ZNF831: variants seen among roughly 807,000 people sequenced by gnomAD.
The protein encoded by ZNF831 is zinc finger protein 831, also known as chromosome 20 open reading frame 174.
A neutral mutation model predicts 95.8 loss-of-function variants in ZNF831; 59 were observed. The ratio of observed to expected loss-of-function variants is 0.62; its 90% CI spans 0.50 to 0.77. The LOEUF (loss-of-function observed/expected upper bound fraction) is 0.77. ZNF831 is among the 30% of genes least tolerant of loss of function. ZNF831 has a pLI of 0.00. For missense variants in ZNF831, 2,205 were observed against 2,164.0 expected (o/e 1.02, Z -0.38); for synonymous variants, 961 against 925.5 (o/e 1.04, Z -0.70).
chr20:59,254,121 G>A lies in ZNF831; in HGVS notation c.4412G>A (p.Arg1471Lys), dbSNP rs1988052271. 6.2e-7 allele frequency: 1 copy of A among 1,613,980 alleles called. No individual in the cohort carries two copies. Among genetic ancestry groups the A allele is most frequent in the Admixed American group, 1.7e-5 (1 of 60,008 alleles). The change falls in exon 6 of 6, where the codon AGG (arginine) becomes AAG (lysine). Residue 1471 changes from arginine to lysine, a missense_variant. Transcript: ENST00000371030. The surrounding 1 kb of genome is among the most constrained non-coding windows in gnomAD (Gnocchi z 4.5). ...PKPYIFSDAQ[R>K]PSSFGSKGTF... ...CCATACATCTTCTCAGATGCTCAAAGGCCTTCTTCCTTTGGGTCCAAAGGA... is the reference window on the plus strand; with the variant it reads ...CCATACATCTTCTCAGATGCTCAAAAGCCTTCTTCCTTTGGGTCCAAAGGA...
intron 1 of ZNF831, among the ~76,000 whole-genome samples, chr20:59,132,642 T>C (rs1382609154): frequency 6.6e-6 from 1 of 152,224 alleles, no homozygotes; most frequent in South Asian, 2.1e-4. Flanking sequence ...TCTGGAAATG[T>C]CTTTGCCTAT....
chr20:59,230,120 A>G (rs1237739072), intron 4 of ZNF831, among the ~76,000 whole-genome samples: 1 of 152,222 alleles, frequency 6.6e-6, no homozygotes, highest in African/African-American at 2.4e-5. Flanking sequence ...TGAAAAAAGG[A>G]ATTCATTAAA....
At chr20:59,153,291 C>T (rs901600863) in intron 2 of ZNF831, among the ~76,000 whole-genome samples, 6 of 152,310 alleles carry the variant, frequency 3.9e-5, no homozygotes, top group African/African-American at 1.2e-4. Flanking sequence ...GAACTGGACC[C>T]GGAGAGAACA....
In ZNF831 at chr20:59,192,864, C is replaced by T. The variant is rs1156890401; in HGVS notation, c.1845C>T (p.Phe615=). Residue 615 remains phenylalanine, a synonymous_variant, in exon 2 of 6, where the codon TTC becomes TTT. Coordinates refer to ENST00000371030, the MANE Select transcript of ZNF831 (RefSeq NM_178457.3). The surrounding 1 kb of genome is among the most constrained non-coding windows in gnomAD (Gnocchi z 5.2). ...RKCGQRRLKM[F]SQEKWQVYGD... ...GCGGCCAGAGAAGGCTGAAGATGTT[C>T]TCCCAGGAGAAGTGGCAGGTGTACG... The T allele has an allele frequency of 6.2e-7, 1 of 1,601,372 alleles. No homozygotes were observed. Among genetic ancestry groups the T allele is most frequent in the East Asian group, 2.2e-5 (1 of 44,788 alleles).
intron 2 of ZNF831, among the ~76,000 whole-genome samples, chr20:59,156,600 C>T (rs560953362): frequency 6.6e-6 from 1 of 152,266 alleles, no homozygotes; most frequent in Admixed American, 6.5e-5. Flanking sequence ...CTGCTGTGTA[C>T]TAGGCCTCCA....
intron 4 of ZNF831, among the ~76,000 whole-genome samples, chr20:59,223,354 T>C (rs1986222561): frequency 6.6e-6 from 1 of 152,326 alleles, no homozygotes; most frequent in East Asian, 1.9e-4. Flanking sequence ...GTGTGTGCGA[T>C]GGTTCCTTCC....
At chr20:59,136,593 C>T (rs758060806) in intron 1 of ZNF831, among the ~76,000 whole-genome samples, 13 of 152,190 alleles carry the variant, frequency 8.5e-5, no homozygotes, top group Admixed American at 2.6e-4. Flanking sequence ...GCGGTAGATA[C>T]TGTAGCTCCC....
At chr20:59,238,047 C>G (rs2146715430) in intron 4 of ZNF831, among the ~76,000 whole-genome samples, 1 of 152,310 alleles carries the variant, frequency 6.6e-6, no homozygotes, top group South Asian at 2.1e-4. Flanking sequence ...TCACCTGAAA[C>G]TCATATGGAA....
intron 4 of ZNF831, among the ~76,000 whole-genome samples, chr20:59,228,672 AG>A (rs1322666062): frequency 1.3e-5 from 2 of 152,152 alleles, no homozygotes; most frequent in African/African-American, 2.4e-5. Context: ...AGCAGCACAA[AG>A]GGCTCTTTAA....
At chr20:59,199,102 TCTATCTA>T (rs1984343313) in intron 3 of ZNF831, among the ~76,000 whole-genome samples, 1 of 133,798 alleles carries the variant, frequency 7.5e-6, no homozygotes, top group Non-Finnish European at 1.6e-5. Context: ...TATCTATCTA[TCTATCTA>T]TCTATCTATC....
At chr20:59,238,519 G>C (rs1055301238) in intron 4 of ZNF831, among the ~76,000 whole-genome samples, 3 of 152,178 alleles carry the variant, frequency 2.0e-5, no homozygotes, top group Non-Finnish European at 2.9e-5. Flanking sequence ...CCAGAGGAGA[G>C]GAGCAGCCAG....
At chr20:59,207,100 G>A (rs373363218) in intron 4 of ZNF831, 44 bp downstream of exon 4, 2 of 1,601,712 alleles carry the variant, frequency 1.2e-6, no homozygotes, top group Non-Finnish European at 1.7e-6. Context: ...GCACTCGAAG[G>A]CACCCGCCCA....
chr20:59,241,115 T>G (rs572423729), intron 4 of ZNF831, among the ~76,000 whole-genome samples: 1 of 152,320 alleles, frequency 6.6e-6, no homozygotes, highest in African/African-American at 2.4e-5. Context: ...AGGAGAGACT[T>G]CTTAGAATTC....
In ZNF831 at chr20:59,205,308, C is replaced by T. The variant is rs1308006177; in HGVS notation, c.3876-1597C>T. On this transcript the variant is annotated intron_variant, in intron 3 of 5. Coordinates refer to ENST00000371030, the MANE Select transcript of ZNF831 (RefSeq NM_178457.3). ...GGATTTGGTTCAGGGGTTTGTCGCT[C>T]CCCACCCTGGCTCAGATAGCTCTTT... 2.6e-5 allele frequency among the ~76,000 whole-genome samples: 4 copies of T among 152,182 alleles called. No homozygotes were observed. The South Asian group carries it at 6.2e-4, about 24-fold the overall frequency.
chr20:59,177,799 G>A (rs774244151), intron 1 of ZNF831, among the ~76,000 whole-genome samples: 12 of 152,290 alleles, frequency 7.9e-5, no homozygotes, highest in African/African-American at 2.4e-4. Flanking sequence ...CAAGCTTCTT[G>A]GGACCTAGGC....
At chr20:59,237,439 C>T (rs1037720326) in intron 4 of ZNF831, among the ~76,000 whole-genome samples, 1 of 152,126 alleles carries the variant, frequency 6.6e-6, no homozygotes, top group African/African-American at 2.4e-5. Context: ...CTCTGCCTCC[C>T]AGGTTCAAGC....
intron 2 of ZNF831, among the ~76,000 whole-genome samples, chr20:59,151,797 T>C (rs1041162488): frequency 1.3e-5 from 2 of 152,220 alleles, no homozygotes; most frequent in Non-Finnish European, 2.9e-5. Context: ...CCCCATGTAT[T>C]GGAGATGTTC....
chr20:59,201,221 C>A (rs1330831179), intron 3 of ZNF831, among the ~76,000 whole-genome samples: 2 of 152,090 alleles, frequency 1.3e-5, no homozygotes, highest in Non-Finnish European at 2.9e-5. Context: ...ATTTGCATTT[C>A]CCTAACAAGT....
At chr20:59,253,159 C>T in intron 5 of ZNF831, 21 bp downstream of exon 5, 1 of 1,613,002 alleles carries the variant, frequency 6.2e-7, no homozygotes, top group Non-Finnish European at 8.5e-7. Flanking sequence ...TGATTTTGAG[C>T]TGCCTCTACC....
Sources: gnomAD v4.1 joint callset for allele counts (sites outside exome capture counted in the v4.1 genomes callset) on GRCh38, gnomAD v4.1.1 for gene constraint, Gnocchi (gnomAD v3.1) non-coding constraint, MANE v1.5 for transcripts, NCBI Gene and HGNC (gene_info 2026-07-23, HGNC 2026-07-21) for gene names.